The following KAZN variants were observed in gnomAD, a reference collection of about 807,000 sequenced individuals.
The protein encoded by KAZN is kazrin.
A neutral mutation model predicts 87.4 loss-of-function variants in KAZN; 40 were observed. The ratio of observed to expected loss-of-function variants is 0.46; its 90% CI spans 0.36 to 0.60. The LOEUF (loss-of-function observed/expected upper bound fraction) is 0.60. KAZN is among the 20% of genes least tolerant of loss of function. The probability of loss-of-function intolerance (pLI) is 0.00; values close to 1 mark genes in which losing one functional copy is unlikely to be tolerated. For synonymous variants in KAZN, 466 were observed against 458.3 expected (o/e 1.02, Z -0.22); for missense variants, 898 against 1,073.9 (o/e 0.84, Z 2.29).
chr1:14,728,568 AT>A (rs1263054867), intron 1 of KAZN, among the ~76,000 whole-genome samples: 4 of 152,168 alleles, frequency 2.6e-5, no homozygotes, highest in Admixed American at 6.5e-5. Flanking sequence ...AGGGACCTGA[AT>A]TTTAGCAGCT....
intron 1 of KAZN, among the ~76,000 whole-genome samples, chr1:14,104,543 A>C (rs763728482): frequency 6.6e-6 from 1 of 152,204 alleles, no homozygotes; most frequent in Non-Finnish European, 1.5e-5. Flanking sequence ...CCAAGGTAGA[A>C]AACCTCAGGA....
rs189502423 is a variant in KAZN at position 14,069,198 on chromosome 1, G to A, written c.92-111237G>A. Among the ~76,000 whole-genome samples the A allele has an allele frequency of 2.5e-3, 380 of 152,282 alleles. 2 individuals are homozygous for A. Among genetic ancestry groups the A allele is most frequent in the African/African-American group, 8.6e-3 (359 of 41,540 alleles). ...GGGTAAAGAGAGCAGGATGGAACCT[G>A]GTAAGTGAGTCTGTAGCTGCATTAC... On this transcript the variant is annotated intron_variant, in intron 1 of 16. Transcript: ENST00000636203.
intron 2 of KAZN, among the ~76,000 whole-genome samples, chr1:14,181,146 T>G (rs1032805279): frequency 2.6e-5 from 4 of 152,212 alleles, no homozygotes; most frequent in Admixed American, 1.3e-4. Flanking sequence ...ATCTACTCCT[T>G]CTGGCTTTGT....
intron 2 of KAZN, among the ~76,000 whole-genome samples, chr1:14,381,381 A>AC (rs926220512): frequency 3.3e-5 from 5 of 152,138 alleles, no homozygotes; most frequent in East Asian, 3.9e-4. Context: ...AAAAAAAAAA[A>AC]ATTGTAGGCC....
At chr1:14,902,367 A>C (rs1656024844) in intron 1 of KAZN, among the ~76,000 whole-genome samples, 1 of 151,956 alleles carries the variant, frequency 6.6e-6, no homozygotes, top group South Asian at 2.1e-4. Flanking sequence ...CTGGGACTAT[A>C]GGCACCCGCC....
intron 1 of KAZN, among the ~76,000 whole-genome samples, chr1:14,805,005 A>G (rs1646160679): frequency 6.6e-6 from 1 of 152,208 alleles, no homozygotes; most frequent in African/African-American, 2.4e-5. Context: ...ATGTGGGGCA[A>G]GCCACTTGCT....
At chr1:14,560,089 G>T (rs958648709) in intron 2 of KAZN, among the ~76,000 whole-genome samples, 12 of 152,102 alleles carry the variant, frequency 7.9e-5, no homozygotes, top group African/African-American at 2.9e-4. Flanking sequence ...TGAAGGTAAA[G>T]ACATCTTTTG....
chr1:15,007,587 C>T (rs539108206), intron 2 of KAZN, among the ~76,000 whole-genome samples: 36 of 152,320 alleles, frequency 2.4e-4, no homozygotes, highest in African/African-American at 8.2e-4. Flanking sequence ...TCTGGTGGGA[C>T]GCAAGGTGGG....
intron 1 of KAZN, among the ~76,000 whole-genome samples, chr1:14,952,509 G>T (rs1391456736): frequency 6.6e-6 from 1 of 151,962 alleles, no homozygotes; most frequent in Non-Finnish European, 1.5e-5. Flanking sequence ...TTTTCTTGGG[G>T]TATAATTCAC....
chr1:14,673,778 C>G (rs1436574495), intron 1 of KAZN, among the ~76,000 whole-genome samples: 1 of 152,168 alleles, frequency 6.6e-6, no homozygotes, highest in African/African-American at 2.4e-5. Context: ...CAACCCCTTC[C>G]CCTTCCCTCC....
At chr1:14,644,596 C>T (rs1680673035) in intron 1 of KAZN, among the ~76,000 whole-genome samples, 1 of 151,902 alleles carries the variant, frequency 6.6e-6, no homozygotes. Context: ...CTCCTGAGCT[C>T]GTGATCCGCC....
At chr1:14,168,489 C>T (rs887024518) in intron 1 of KAZN, among the ~76,000 whole-genome samples, 3 of 152,152 alleles carry the variant, frequency 2.0e-5, no homozygotes, top group African/African-American at 7.2e-5. Context: ...GTGCTCAGGG[C>T]TGTGTTCCAT....
At chr1:15,108,636 T>C (rs1049249790) in intron 13 of KAZN, among the ~76,000 whole-genome samples, 4 of 152,188 alleles carry the variant, frequency 2.6e-5, no homozygotes, top group Non-Finnish European at 4.4e-5. Flanking sequence ...TCTCTGCCCT[T>C]GTAAATCCTT....
rs1349709839 is a variant in KAZN, at chr1:14,883,366, A to AG, written c.227-77317dup. 2.3e-3 allele frequency among the ~76,000 whole-genome samples: 154 copies of AG among 67,540 alleles called. 18 individuals carry two copies. Among genetic ancestry groups the AG allele is most frequent in the Non-Finnish European group, 3.3e-3 (108 of 32,808 alleles). 44.3% of individuals were successfully genotyped at this position (67,540 alleles called of 152,430 possible). ...AGAAAGAAAGAAAGAAAAGAAAGAA[A>AG]GAAAGAAAGAAAGAAAGAAAGAAAG... On this transcript the variant is annotated intron_variant, in intron 1 of 14. Transcript: ENST00000376030.
At position 14,111,318 on chromosome 1, in the gene KAZN, C is replaced by T. The variant is rs978141905; in HGVS notation, c.92-69117C>T. On this transcript the variant is annotated intron_variant, in intron 1 of 16. Coordinates refer to the KAZN transcript ENST00000636203. Reference sequence around the variant, plus strand: ...TCCTGGCTGCTGAGCAAGGGGTGGGCAGGAAGGAAAGAGTGCCTCCTAGAG... The same window carrying T: ...TCCTGGCTGCTGAGCAAGGGGTGGGTAGGAAGGAAAGAGTGCCTCCTAGAG... Among the ~76,000 whole-genome samples, 26 of 132,086 alleles carry T rather than the reference C, an allele frequency of 2.0e-4. 4 individuals carry two copies. The highest frequency in any genetic ancestry group is 3.9e-3 in the Middle Eastern group (1 of 258). 86.7% of individuals were successfully genotyped at this position (132,086 alleles called of 152,430 possible).
chr1:14,468,825 G>A (rs528863221), intron 2 of KAZN, among the ~76,000 whole-genome samples: 30 of 152,296 alleles, frequency 2.0e-4, no homozygotes, highest in Non-Finnish European at 2.8e-4. Flanking sequence ...GGTAGGCATC[G>A]TCAACCGTTT....
intron 2 of KAZN, among the ~76,000 whole-genome samples, chr1:14,590,630 G>A (rs1676138589): frequency 6.6e-6 from 1 of 152,096 alleles, no homozygotes; most frequent in South Asian, 2.1e-4. Context: ...GAGCAAACTG[G>A]CAGACCACAG....
At chr1:14,916,170 C>CTT (rs71307000) in intron 1 of KAZN, among the ~76,000 whole-genome samples, 2,144 of 113,552 alleles carry the variant, frequency 0.019, 152 homozygotes, top group African/African-American at 0.047. Context: ...CACTGTTGTT[C>CTT]TTTTTTTTTT....
chr1:14,807,505 A>G (rs551109494), intron 1 of KAZN, among the ~76,000 whole-genome samples: 2 of 152,302 alleles, frequency 1.3e-5, no homozygotes, highest in East Asian at 3.9e-4. Context: ...ATGGTGGCTC[A>G]CACCCGTAAT....
Sources: gnomAD v4.1 joint callset for allele counts (sites outside exome capture counted in the v4.1 genomes callset) on GRCh38, gnomAD v4.1.1 for gene constraint, MANE v1.5 for transcripts, NCBI Gene and HGNC (gene_info 2026-07-23, HGNC 2026-07-21) for gene names.